Variants in GRIN2A observed in about 807,000 individuals in gnomAD.
GRIN2A encodes glutamate receptor ionotropic, NMDA 2A.
A neutral mutation model predicts 113.4 loss-of-function variants in GRIN2A; 22 were observed. The observed-to-expected ratio is 0.19, with a 90% CI of 0.14 to 0.28. The LOEUF (loss-of-function observed/expected upper bound fraction) is 0.28. GRIN2A is among the 10% of genes least tolerant of loss of function. GRIN2A has a pLI of 1.00. For synonymous variants in GRIN2A, 827 were observed against 738.4 expected (o/e 1.12, Z -1.94); for missense variants, 1,502 against 1,887.0 (o/e 0.80, Z 3.78).
intron 9 of GRIN2A, among the ~76,000 whole-genome samples, chr16:9,823,608 T>C (rs2042330247): frequency 6.6e-6 from 1 of 152,214 alleles, no homozygotes; most frequent in South Asian, 2.1e-4. Flanking sequence ...TTTGGGAACC[T>C]AGTTGGGTCC....
At chr16:9,956,529 T>C (rs1174025835) in intron 2 of GRIN2A, among the ~76,000 whole-genome samples, 1 of 152,206 alleles carries the variant, frequency 6.6e-6, no homozygotes, top group Non-Finnish European at 1.5e-5. Context: ...AATTAATTCA[T>C]TCATTTAACC....
At chr16:9,997,383 G>A in intron 2 of GRIN2A, among the ~76,000 whole-genome samples, 1 of 152,154 alleles carries the variant, frequency 6.6e-6, no homozygotes, top group East Asian at 1.9e-4. Flanking sequence ...CTCTTCCTGT[G>A]TGTAGCCTTC....
At position 10,073,920 on chromosome 16, in the gene GRIN2A, C is replaced by CAAA. The variant is rs371987747; in HGVS notation, c.414+106075_414+106077dup. Among the ~76,000 whole-genome samples, 89 of 130,306 alleles carry CAAA rather than the reference C, an allele frequency of 6.8e-4. 2 individuals are homozygous for CAAA. Among genetic ancestry groups the CAAA allele is most frequent in the African/African-American group, 2.2e-3 (74 of 33,790 alleles). 85.5% of individuals were successfully genotyped at this position (130,306 alleles called of 152,430 possible). On this transcript the variant is annotated intron_variant, in intron 2 of 12. Coordinates refer to ENST00000330684, the MANE Select transcript of GRIN2A (RefSeq NM_001134407.3). ...GTGTGACAGAGTGAGACCCCCGTCA[C>CAAA]AAAAAAAAAAAAAACGAAGTGAAAA...
chr16:9,910,995 T>C (rs1381582575), intron 3 of GRIN2A, among the ~76,000 whole-genome samples: 2 of 152,142 alleles, frequency 1.3e-5, no homozygotes, highest in Admixed American at 1.3e-4. Flanking sequence ...ATACACATTT[T>C]AGAAAGGTCT....
At chr16:9,933,574 G>GT (rs1241453335) in intron 3 of GRIN2A, among the ~76,000 whole-genome samples, 1 of 152,184 alleles carries the variant, frequency 6.6e-6, no homozygotes. Context: ...GCTTTGCAGA[G>GT]TAAGACCTTA....
At chr16:10,077,806 C>A (rs1280433805) in intron 2 of GRIN2A, among the ~76,000 whole-genome samples, 1 of 152,188 alleles carries the variant, frequency 6.6e-6, no homozygotes, top group Admixed American at 6.5e-5. Context: ...TTCTGCGTAG[C>A]CCACTCCCTT....
At chr16:9,864,049 A>G (rs1197274827) in intron 4 of GRIN2A, among the ~76,000 whole-genome samples, 1 of 152,208 alleles carries the variant, frequency 6.6e-6, no homozygotes, top group African/African-American at 2.4e-5. Flanking sequence ...AACAGTGATA[A>G]CTATTATTAT....
intron 11 of GRIN2A, among the ~76,000 whole-genome samples, chr16:9,789,172 A>G (rs1902434598): frequency 6.6e-6 from 1 of 152,240 alleles, no homozygotes; most frequent in Non-Finnish European, 1.5e-5. Flanking sequence ...ACTAGGCTTT[A>G]CATGTGATTG....
At chr16:10,170,625 C>A (rs1394243332) in intron 2 of GRIN2A, among the ~76,000 whole-genome samples, 1 of 151,998 alleles carries the variant, frequency 6.6e-6, no homozygotes, top group African/African-American at 2.4e-5. Flanking sequence ...CCTGTAATAC[C>A]AGCACTTTGG....
chr16:9,757,870 G>T lies in GRIN2A; in HGVS notation c.*5279C>A. 4.4e-6 allele frequency: 1 copy of T among 225,944 alleles called. No individual in the cohort carries two copies. The allele number at this position is 225,944 out of a possible 1,614,324, so 14.0% of individuals were successfully genotyped here. ...TGGGTAGGTCTTTCTGGGGCAAGTG[G>T]CAAAAACAAAAAACAAAACAAAACA... On this transcript the variant is annotated 3_prime_UTR_variant, in exon 13 of 13. Coordinates refer to ENST00000330684, the MANE Select transcript of GRIN2A (RefSeq NM_001134407.3).
At chr16:10,153,093 C>T (rs574178929) in intron 2 of GRIN2A, among the ~76,000 whole-genome samples, 2 of 151,854 alleles carry the variant, frequency 1.3e-5, no homozygotes, top group Non-Finnish European at 2.9e-5. Context: ...GGACTTTAGG[C>T]GATAATTTTG....
chr16:10,103,967 C>T (rs192393055), intron 2 of GRIN2A, among the ~76,000 whole-genome samples: 17 of 152,318 alleles, frequency 1.1e-4, no homozygotes, highest in African/African-American at 3.4e-4. Flanking sequence ...GAACCACTTC[C>T]AGCAGCCTGT....
intron 2 of GRIN2A, among the ~76,000 whole-genome samples, chr16:9,993,250 T>C (rs1194248110): frequency 6.6e-6 from 1 of 151,084 alleles, no homozygotes; most frequent in Non-Finnish European, 1.5e-5. Context: ...AATAAATAAG[T>C]AAAAATAAAT....
intron 2 of GRIN2A, among the ~76,000 whole-genome samples, chr16:9,979,051 C>T (rs2045832162): frequency 6.6e-6 from 1 of 152,190 alleles, no homozygotes; most frequent in Non-Finnish European, 1.5e-5. Context: ...GCGGGTCCCT[C>T]ACTCTGGTTA....
intron 3 of GRIN2A, chr16:9,937,711 G>C (rs907351817): frequency 3.8e-6 from 2 of 529,610 alleles, no homozygotes; most frequent in Admixed American, 3.2e-5. Flanking sequence ...TCAATCCCAG[G>C]TGTAGGTTTC....
chr16:10,049,229 T>A (rs530148561), intron 2 of GRIN2A, among the ~76,000 whole-genome samples: 4 of 152,178 alleles, frequency 2.6e-5, no homozygotes, highest in Non-Finnish European at 5.9e-5. Flanking sequence ...AAGAGATGGA[T>A]TGCCTATTTA....
intron 2 of GRIN2A, among the ~76,000 whole-genome samples, chr16:9,963,564 C>T (rs1596367575): frequency 6.6e-6 from 1 of 152,162 alleles, no homozygotes; most frequent in East Asian, 1.9e-4. Context: ...TTCTGCATCT[C>T]GATCTGTGTG....
chr16:9,879,989 G>A (rs569039902), intron 4 of GRIN2A, among the ~76,000 whole-genome samples: 5 of 152,254 alleles, frequency 3.3e-5, no homozygotes, highest in African/African-American at 1.2e-4. Flanking sequence ...GTACTAGTCT[G>A]TTGTTGTGTA....
At chr16:9,940,862 T>C (rs1053531393) in intron 2 of GRIN2A, among the ~76,000 whole-genome samples, 2 of 152,164 alleles carry the variant, frequency 1.3e-5, no homozygotes, top group African/African-American at 4.8e-5. Flanking sequence ...CAGAACTTCA[T>C]TAATGCCAAA....
Sources: gnomAD v4.1 joint callset for allele counts (sites outside exome capture counted in the v4.1 genomes callset) on GRCh38, gnomAD v4.1.1 for gene constraint, MANE v1.5 for transcripts, NCBI Gene and HGNC (gene_info 2026-07-23, HGNC 2026-07-21) for gene names.